ZBTB16: variants seen among roughly 807,000 people sequenced by gnomAD.
ZBTB16 encodes the protein zinc finger and BTB domain containing 16, also known as zinc finger and BTB domain-containing protein 16.
Under a neutral mutation model 56.8 loss-of-function variants are expected in ZBTB16, and 8 were observed. The ratio of observed to expected loss-of-function variants is 0.14; its 90% CI spans 0.08 to 0.25. The LOEUF is 0.25. Ranked by LOEUF, ZBTB16 falls within the 10% of genes least tolerant of loss-of-function variation. The pLI is 1.00. For missense variants in ZBTB16, 625 were observed against 903.0 expected (o/e 0.69, Z 3.95); for synonymous variants, 363 against 368.5 (o/e 0.98, Z 0.17).
At chr11:114,217,956 G>A (rs1363298152) in intron 4 of ZBTB16, among the ~76,000 whole-genome samples, 2 of 152,190 alleles carry the variant, frequency 1.3e-5, no homozygotes, top group Non-Finnish European at 2.9e-5. Context: ...TCTCTCCAGG[G>A]TGAGGAGCGC....
intron 6 of ZBTB16, among the ~76,000 whole-genome samples, chr11:114,247,951 G>A (rs981483499): frequency 2.0e-5 from 3 of 151,666 alleles, no homozygotes; most frequent in Admixed American, 1.3e-4. Flanking sequence ...AGGCCGGAGT[G>A]CAGTGGCACG....
chr11:114,241,415 C>G (rs1477006589), intron 4 of ZBTB16, among the ~76,000 whole-genome samples: 1 of 152,088 alleles, frequency 6.6e-6, no homozygotes, highest in East Asian at 1.9e-4. Flanking sequence ...AAACTGAGCT[C>G]CGCCTCCTGT....
At chr11:114,236,031 T>C (rs1283740668) in intron 4 of ZBTB16, among the ~76,000 whole-genome samples, 1 of 152,132 alleles carries the variant, frequency 6.6e-6, no homozygotes, top group Non-Finnish European at 1.5e-5. Flanking sequence ...CCCCTTTTCC[T>C]ACTTCAGATT....
intron 3 of ZBTB16, among the ~76,000 whole-genome samples, chr11:114,176,826 A>G (rs1172832671): frequency 6.6e-6 from 1 of 152,152 alleles, no homozygotes; most frequent in African/African-American, 2.4e-5. Context: ...GGTACTTTGG[A>G]AAATCTTGGG....
intron 2 of ZBTB16, among the ~76,000 whole-genome samples, chr11:114,127,249 G>A (rs1449206060): frequency 1.3e-5 from 2 of 152,148 alleles, no homozygotes; most frequent in Admixed American, 6.5e-5. Flanking sequence ...AGAATCCCCA[G>A]CCTAGACGTC....
chr11:114,242,465 T>C, intron 5 of ZBTB16, 128 bp downstream of exon 5: 1 of 1,329,396 alleles, frequency 7.5e-7, no homozygotes, highest in Admixed American at 2.0e-5. Context: ...GGCTTGGACG[T>C]GCAGAGGCTG....
rs184520609 is a variant in ZBTB16 at position 114,094,382 on chromosome 11, G to A, written c.1268+29814G>A. On this transcript the variant is annotated intron_variant, in intron 2 of 6. Transcript: ENST00000335953. ...AGTAAAACAAAAACCAAACGAGTCCGTGTAAAGTCTAAGATGTTGGTTCAT... is the reference window on the plus strand; with the variant it reads ...AGTAAAACAAAAACCAAACGAGTCCATGTAAAGTCTAAGATGTTGGTTCAT... Among the ~76,000 whole-genome samples the A allele has an allele frequency of 2.2e-4, 34 of 152,300 alleles. No individual in the cohort carries two copies. The South Asian group carries it at 5.4e-3, about 24-fold the overall frequency.
chr11:114,132,490 G>A (rs532052651), intron 2 of ZBTB16, among the ~76,000 whole-genome samples: 4 of 152,248 alleles, frequency 2.6e-5, no homozygotes, highest in African/African-American at 7.2e-5. Flanking sequence ...GGGTAGAGTC[G>A]GAGGGATGAA....
intron 5 of ZBTB16, among the ~76,000 whole-genome samples, chr11:114,242,709 G>C (rs910765606): frequency 2.6e-5 from 4 of 152,082 alleles, no homozygotes; most frequent in African/African-American, 9.7e-5. Context: ...GAGAAAAACT[G>C]ACCTGCTGGG....
At position 114,250,676 on chromosome 11, in the gene ZBTB16, A is replaced by T. The variant is rs1265465352; in HGVS notation, c.*121A>T. 6 of 1,133,936 alleles carry T rather than the reference A, an allele frequency of 5.3e-6. No homozygotes were observed. Among genetic ancestry groups the T allele is most frequent in the Non-Finnish European group, 7.5e-6 (6 of 798,916 alleles). The allele number at this position is 1,133,936 out of a possible 1,614,324, so 70.2% of individuals were successfully genotyped here. On this transcript the variant is annotated 3_prime_UTR_variant, in exon 7 of 7. Transcript: ENST00000335953. This position sits in a 1 kb window ranked among gnomAD's most constrained non-coding sequence, Gnocchi z 6.0. ...AAAAAAAAAACAGAAGGAAAAGGAA[A>T]CCTGGTAGCTTTTTGGCCTTGGATT...
intron 6 of ZBTB16, among the ~76,000 whole-genome samples, chr11:114,249,819 G>A (rs12808202): frequency 0.08 from 11,756 of 146,742 alleles, 672 homozygotes; most frequent in Middle Eastern, 0.18. Flanking sequence ...GTGTCCCCAG[G>A]TGCAGCATAT....
chr11:114,193,175 G>A (rs963145483), intron 4 of ZBTB16, among the ~76,000 whole-genome samples: 29 of 152,180 alleles, frequency 1.9e-4, no homozygotes, highest in Admixed American at 9.8e-4. Context: ...GTCAGCTACC[G>A]AGTGCCCCCT....
intron 3 of ZBTB16, among the ~76,000 whole-genome samples, chr11:114,161,251 T>A (rs1368305294): frequency 2.0e-5 from 3 of 152,142 alleles, no homozygotes; most frequent in African/African-American, 7.2e-5. Context: ...TGAGCATGCC[T>A]AGAACTGCTT....
At chr11:114,090,880 A>T (rs976853954) in intron 2 of ZBTB16, among the ~76,000 whole-genome samples, 4 of 152,150 alleles carry the variant, frequency 2.6e-5, no homozygotes, top group African/African-American at 9.7e-5. Context: ...TTTAAGAAAC[A>T]TATGTATGGC....
intron 2 of ZBTB16, among the ~76,000 whole-genome samples, chr11:114,071,748 G>T (rs771773048): frequency 3.2e-4 from 48 of 152,190 alleles, no homozygotes; most frequent in Non-Finnish European, 6.5e-4. Flanking sequence ...TTTCTATTCT[G>T]TTTTGGCTGG....
chr11:114,089,601 T>C (rs1940108008), intron 2 of ZBTB16, among the ~76,000 whole-genome samples: 1 of 152,176 alleles, frequency 6.6e-6, no homozygotes, highest in Non-Finnish European at 1.5e-5. Context: ...CTGGGAATCC[T>C]CCTCTCTCCA....
chr11:114,117,429 C>T (rs1379449412), intron 2 of ZBTB16, among the ~76,000 whole-genome samples: 3 of 151,582 alleles, frequency 2.0e-5, no homozygotes, highest in African/African-American at 4.9e-5. Flanking sequence ...CCTAGGAGCC[C>T]GTCAAGTGGT....
intron 6 of ZBTB16, among the ~76,000 whole-genome samples, chr11:114,249,159 A>T (rs1005219736): frequency 1.4e-5 from 2 of 144,460 alleles, no homozygotes; most frequent in African/African-American, 5.0e-5. Context: ...GCAAGGTCTT[A>T]GCGGTTTTAG....
At chr11:114,210,049 A>C in intron 4 of ZBTB16, 2 of 744,106 alleles carry the variant, frequency 2.7e-6, no homozygotes, top group African/African-American at 3.8e-5. Context: ...TCAAAAAGCC[A>C]CTTGCCCGGT....
Sources: allele counts gnomAD v4.1 joint callset (sites outside exome capture counted in the v4.1 genomes callset), GRCh38; gene constraint gnomAD v4.1.1; non-coding constraint Gnocchi (gnomAD v3.1); transcripts MANE v1.5; gene names NCBI Gene and HGNC (gene_info 2026-07-23, HGNC 2026-07-21).